ZFAND3: variants seen among roughly 807,000 people sequenced by gnomAD.
The protein encoded by ZFAND3 is zinc finger AN1-type containing 3.
A neutral mutation model predicts 29.6 loss-of-function variants in ZFAND3; 10 were observed. That is an observed-to-expected ratio of 0.34 (90% CI 0.21 to 0.57). The LOEUF (loss-of-function observed/expected upper bound fraction) is 0.57. Among genes scored for constraint, ZFAND3 ranks in the 20% least tolerant of loss-of-function variants. The probability of loss-of-function intolerance (pLI) is 0.86; values close to 1 mark genes in which losing one functional copy is unlikely to be tolerated. For missense variants in ZFAND3, 230 were observed against 304.5 expected (o/e 0.76, Z 1.82); for synonymous variants, 128 against 112.6 (o/e 1.14, Z -0.87).
At chr6:37,826,908 C>CACT (rs1211385602) in intron 1 of ZFAND3, among the ~76,000 whole-genome samples, 1 of 152,176 alleles carries the variant, frequency 6.6e-6, no homozygotes, top group Non-Finnish European at 1.5e-5. Flanking sequence ...TTTAAGTACT[C>CACT]ACTAGCTCAG....
intron 1 of ZFAND3, among the ~76,000 whole-genome samples, chr6:37,876,497 GAGAAA>G (rs1449836387): frequency 1.3e-5 from 2 of 152,162 alleles, no homozygotes; most frequent in Non-Finnish European, 2.9e-5. Context: ...GAAGAAAATA[GAGAAA>G]AGAAAGAGCC....
At chr6:37,971,630 A>G (rs1762388491) in intron 2 of ZFAND3, among the ~76,000 whole-genome samples, 1 of 152,202 alleles carries the variant, frequency 6.6e-6, no homozygotes, top group African/African-American at 2.4e-5. Context: ...TTAATAGCAG[A>G]AACAATGGCT....
At position 38,102,820 on chromosome 6, in the gene ZFAND3, G is replaced by A. The variant is rs536254430; in HGVS notation, c.362-13752G>A. On this transcript the variant is annotated intron_variant, in intron 4 of 5. Coordinates refer to ENST00000287218, the MANE Select transcript of ZFAND3 (RefSeq NM_021943.3). The stretch of plus-strand genomic sequence containing the variant: ...CCCCCAGGCTGGAATGCAGTGGCGC[G>A]ATCTCGGCTCACTGCAACCTCCGCC... Among the ~76,000 whole-genome samples the A allele has an allele frequency of 4.6e-5, 7 of 152,204 alleles. No homozygotes were observed. In the East Asian group the frequency reaches 7.7e-4, roughly 17 times the overall value.
chr6:38,128,995 A>G (rs1187342978), intron 5 of ZFAND3, among the ~76,000 whole-genome samples: 1 of 152,146 alleles, frequency 6.6e-6, no homozygotes, highest in African/African-American at 2.4e-5. Context: ...AACATCTATT[A>G]TGTTTTGATT....
intron 2 of ZFAND3, among the ~76,000 whole-genome samples, chr6:37,980,130 C>G (rs1762554892): frequency 6.7e-6 from 1 of 150,234 alleles, no homozygotes; most frequent in African/African-American, 2.5e-5. Flanking sequence ...TAGGGCTGGT[C>G]TCCTTTGTTT....
At chr6:37,926,862 G>A (rs1761494605) in intron 1 of ZFAND3, among the ~76,000 whole-genome samples, 1 of 152,174 alleles carries the variant, frequency 6.6e-6, no homozygotes, top group Non-Finnish European at 1.5e-5. Flanking sequence ...CCTGTGATTA[G>A]CTTCAAGTTT....
intron 2 of ZFAND3, among the ~76,000 whole-genome samples, chr6:38,024,865 G>A (rs1463684406): frequency 1.3e-5 from 2 of 152,182 alleles, no homozygotes; most frequent in African/African-American, 4.8e-5. Flanking sequence ...TGATGAAAAT[G>A]TTTTGGAACT....
chr6:38,053,033 C>G (rs1163650889), intron 2 of ZFAND3, among the ~76,000 whole-genome samples: 1 of 131,746 alleles, frequency 7.6e-6, no homozygotes, highest in Non-Finnish European at 1.6e-5. Flanking sequence ...GACTCCATTT[C>G]GAAAAAAAAA....
intron 4 of ZFAND3, among the ~76,000 whole-genome samples, chr6:38,101,598 A>G (rs1172611623): frequency 6.6e-6 from 1 of 151,918 alleles, no homozygotes; most frequent in Admixed American, 6.6e-5. Context: ...ACATGGTGAA[A>G]CCCCATCTCT....
At chr6:37,994,607 A>G (rs929627439) in intron 2 of ZFAND3, among the ~76,000 whole-genome samples, 7 of 152,196 alleles carry the variant, frequency 4.6e-5, no homozygotes, top group African/African-American at 1.7e-4. Context: ...GTCTATATTT[A>G]TCAAATACAG....
chr6:37,883,800 A>G lies in ZFAND3; in HGVS notation c.72-46159A>G, dbSNP rs1256104168. The stretch of plus-strand genomic sequence containing the variant: ...CATGATCCACCTGTCTCGGCCTCCC[A>G]AAGTGCTGGGATTACAGGCGTGAGC... On this transcript the variant is annotated intron_variant, in intron 1 of 5. Transcript: ENST00000287218. 2.1e-5 allele frequency among the ~76,000 whole-genome samples: 3 copies of G among 145,678 alleles called. No homozygotes were observed. In the East Asian group the frequency reaches 5.8e-4, roughly 28 times the overall value.
At chr6:37,845,589 T>TCCCA (rs1764163933) in intron 1 of ZFAND3, among the ~76,000 whole-genome samples, 1 of 152,222 alleles carries the variant, frequency 6.6e-6, no homozygotes, top group African/African-American at 2.4e-5. Flanking sequence ...TTTCGTACTG[T>TCCCA]GAGCTGTGGT....
chr6:37,839,895 G>A (rs752297713), intron 1 of ZFAND3, among the ~76,000 whole-genome samples: 1 of 152,050 alleles, frequency 6.6e-6, no homozygotes, highest in Middle Eastern at 3.2e-3. Context: ...TTTTGTAGGT[G>A]GTGGTTTCAC....
intron 2 of ZFAND3, among the ~76,000 whole-genome samples, chr6:38,054,045 G>GGT (rs1301792333): frequency 2.0e-5 from 3 of 151,404 alleles, no homozygotes; most frequent in South Asian, 2.1e-4. Context: ...TACAGGTAGA[G>GGT]GTGTGTGTGT....
chr6:38,124,316 G>A lies in ZFAND3; in HGVS notation c.529+7577G>A, dbSNP rs563859515. The stretch of plus-strand genomic sequence containing the variant: ...AGGTGGAGCTGCCTGCCAGTCCCGC[G>A]CCATGCGCCCGCAATCCTCAGCCCT... On this transcript the variant is annotated intron_variant, in intron 5 of 5. Transcript: ENST00000287218. 4.6e-5 allele frequency among the ~76,000 whole-genome samples: 7 copies of A among 152,344 alleles called. No homozygotes were observed. The East Asian group carries it at 5.8e-4, about 13-fold the overall frequency.
intron 5 of ZFAND3, among the ~76,000 whole-genome samples, chr6:38,117,929 G>C (rs1765453518): frequency 6.6e-6 from 1 of 152,190 alleles, no homozygotes; most frequent in African/African-American, 2.4e-5. Context: ...TTCCTGTTTT[G>C]ACCAGATACC....
chr6:38,081,170 T>C (rs2127470497), intron 3 of ZFAND3, among the ~76,000 whole-genome samples: 1 of 152,258 alleles, frequency 6.6e-6, no homozygotes, highest in Middle Eastern at 3.4e-3. Flanking sequence ...TTTTTTTTTT[T>C]TAAAGAAAGA....
chr6:37,994,570 T>G (rs1488889615), intron 2 of ZFAND3, among the ~76,000 whole-genome samples: 1 of 152,198 alleles, frequency 6.6e-6, no homozygotes, highest in Non-Finnish European at 1.5e-5. Context: ...TGGCAGGGTA[T>G]AGGGTAGCTC....
At chr6:37,826,171 T>C (rs779548609) in intron 1 of ZFAND3, among the ~76,000 whole-genome samples, 4 of 152,084 alleles carry the variant, frequency 2.6e-5, no homozygotes, top group Admixed American at 6.6e-5. Context: ...TTGAAGGAAG[T>C]GATTGGTCTT....
Sources: gnomAD v4.1 joint callset for allele counts (sites outside exome capture counted in the v4.1 genomes callset) on GRCh38, gnomAD v4.1.1 for gene constraint, MANE v1.5 for transcripts, NCBI Gene and HGNC (gene_info 2026-07-23, HGNC 2026-07-21) for gene names.